The following GPHN variants were observed in gnomAD, a reference collection of about 807,000 sequenced individuals.
GPHN encodes gephyrin.
GPHN carries 17 observed loss-of-function variants against 95.5 expected under a neutral mutation model. That is an observed-to-expected ratio of 0.18 (90% CI 0.12 to 0.27). The LOEUF is 0.27. GPHN is among the 10% of genes least tolerant of loss of function. GPHN has a pLI of 1.00. For synonymous variants in GPHN, 320 were observed against 322.5 expected, an observed-to-expected ratio of 0.99 and a Z score of 0.08; for missense variants, 660 against 978.1, an observed-to-expected ratio of 0.67 and a Z score of 4.34.
chr14:67,719,174 C>A, the GPHN span, among the ~76,000 whole-genome samples: 1 of 152,140 alleles, frequency 6.6e-6, no homozygotes, highest in Non-Finnish European at 1.5e-5. Context: ...TGGATGACAG[C>A]GTACAGGCTA....
chr14:67,341,517 G>C, the GPHN span, among the ~76,000 whole-genome samples: 3 of 151,274 alleles, frequency 2.0e-5, no homozygotes, highest in Admixed American at 2.0e-4. Flanking sequence ...GAGGTGGGGG[G>C]GGTCAGCCCC....
intron 3 of GPHN, among the ~76,000 whole-genome samples, chr14:66,822,863 C>T (rs2061251565): frequency 6.6e-6 from 1 of 152,116 alleles, no homozygotes; most frequent in Admixed American, 6.5e-5. Flanking sequence ...AACTGTGGCA[C>T]AGGCATTTCA....
intron 22 of GPHN, among the ~76,000 whole-genome samples, 154 bp downstream of exon 22, chr14:67,179,828 G>A (rs1211155909): frequency 1.3e-5 from 2 of 152,142 alleles, no homozygotes; most frequent in Non-Finnish European, 2.9e-5. Context: ...AAACAGTATA[G>A]CAAAAGTTAA....
At chr14:66,777,521 A>G (rs1167934749) in intron 3 of GPHN, among the ~76,000 whole-genome samples, 3 of 152,172 alleles carry the variant, frequency 2.0e-5, no homozygotes, top group Admixed American at 2.0e-4. Context: ...ACACAACCAA[A>G]AAAGAGAATT....
At chr14:67,586,307 G>A in the GPHN span, 2,033 of 1,202,320 alleles carry the variant, frequency 1.7e-3, 37 homozygotes, top group African/African-American at 0.027. Context: ...ATATTTGGAG[G>A]GAACTAACTC....
chr14:67,613,631 TG>T, the GPHN span: 1 of 221,002 alleles, frequency 4.5e-6, no homozygotes, highest in Non-Finnish European at 9.8e-6. Context: ...GAAGTTTATC[TG>T]GGGAGTATTT....
the GPHN span, among the ~76,000 whole-genome samples, chr14:67,685,492 C>T: frequency 6.6e-6 from 1 of 152,144 alleles, no homozygotes; most frequent in Non-Finnish European, 1.5e-5. Context: ...TCGTTGACCA[C>T]CCCCTTCTTT....
At chr14:66,984,512 A>G (rs2070889442) in intron 9 of GPHN, among the ~76,000 whole-genome samples, 1 of 152,190 alleles carries the variant, frequency 6.6e-6, no homozygotes, top group Non-Finnish European at 1.5e-5. Context: ...TTATATAGCA[A>G]TATGCTTTTA....
chr14:67,206,999 T>C, the GPHN span, among the ~76,000 whole-genome samples: 1 of 152,154 alleles, frequency 6.6e-6, no homozygotes, highest in East Asian at 1.9e-4. Flanking sequence ...AAAAATATTC[T>C]ACCTTTAGCT....
chr14:67,204,606 G>C, the GPHN span: 41 of 1,613,742 alleles, frequency 2.5e-5, no homozygotes, highest in South Asian at 4.3e-4. Context: ...AAGTAAAGCT[G>C]GTGAGTGGTC....
At chr14:67,176,822 G>C (rs1237216121) in intron 21 of GPHN, among the ~76,000 whole-genome samples, 1 of 152,080 alleles carries the variant, frequency 6.6e-6, no homozygotes, top group Admixed American at 6.5e-5. Flanking sequence ...TATGTGTCCA[G>C]GAATTTATCC....
At chr14:67,564,939 C>T in the GPHN span, among the ~76,000 whole-genome samples, 1 of 152,160 alleles carries the variant, frequency 6.6e-6, no homozygotes, top group Non-Finnish European at 1.5e-5. Flanking sequence ...GGTCCTCCCA[C>T]CTTGACCTCC....
chr14:66,856,011 A>C (rs1399916919), intron 4 of GPHN, among the ~76,000 whole-genome samples: 1 of 152,104 alleles, frequency 6.6e-6, no homozygotes, highest in East Asian at 1.9e-4. Context: ...ATTATTTCTG[A>C]CAGGTATCTT....
At chr14:66,588,861 C>T (rs1461435926) in intron 1 of GPHN, among the ~76,000 whole-genome samples, 1 of 152,048 alleles carries the variant, frequency 6.6e-6, no homozygotes, top group East Asian at 1.9e-4. Context: ...GGCCAACATT[C>T]AAATTCAGGG....
chr14:67,572,115 ACTC>A, the GPHN span: 2 of 1,599,180 alleles, frequency 1.3e-6, no homozygotes, highest in Non-Finnish European at 8.5e-7. Flanking sequence ...CCGGGCCTTG[ACTC>A]CTCCTCCCTC....
chr14:67,246,691 G>A, the GPHN span, among the ~76,000 whole-genome samples: 7 of 116,956 alleles, frequency 6.0e-5, no homozygotes, highest in East Asian at 1.9e-3. Context: ...TTGCTCTCTC[G>A]CCAGGCTGGA....
intron 1 of GPHN, among the ~76,000 whole-genome samples, chr14:66,672,719 G>A (rs571369300): frequency 6.6e-6 from 1 of 151,986 alleles, no homozygotes; most frequent in Admixed American, 6.6e-5. Flanking sequence ...AAATTAATAC[G>A]CTACCTTCAC....
chr14:67,156,997 C>CT (rs1234425064), intron 18 of GPHN, among the ~76,000 whole-genome samples: 1 of 149,158 alleles, frequency 6.7e-6, no homozygotes, highest in African/African-American at 2.5e-5. Flanking sequence ...AAAAATTATA[C>CT]TAAATGTAAA....
At chr14:67,512,978 T>C in the GPHN span, among the ~76,000 whole-genome samples, 3 of 152,190 alleles carry the variant, frequency 2.0e-5, no homozygotes, top group Non-Finnish European at 4.4e-5. Flanking sequence ...AGAAACAATA[T>C]GTAAATCTGA....
Sources: allele counts gnomAD v4.1 joint callset (sites outside exome capture counted in the v4.1 genomes callset), GRCh38; gene constraint gnomAD v4.1.1; transcripts MANE v1.5; gene names NCBI Gene and HGNC (gene_info 2026-07-23, HGNC 2026-07-21).